OPRL1: variants seen among roughly 807,000 people sequenced by gnomAD.
The protein encoded by OPRL1 is nociceptin receptor.
OPRL1 carries 5 observed loss-of-function variants against 15.5 expected under a neutral mutation model. The ratio of observed to expected loss-of-function variants is 0.32; its 90% CI spans 0.17 to 0.68. The LOEUF (loss-of-function observed/expected upper bound fraction) is 0.68, where lower values mean the gene tolerates loss of function less well. Ranked by LOEUF, OPRL1 falls within the 30% of genes least tolerant of loss-of-function variation. The pLI is 0.72. For missense variants in OPRL1, 406 were observed against 515.3 expected (o/e 0.79, Z 2.05); for synonymous variants, 223 against 230.2 (o/e 0.97, Z 0.28).
chr20:64,085,154 C>G (rs1467801358), intron 1 of OPRL1: 1 of 152,284 alleles, frequency 6.6e-6, no homozygotes, highest in East Asian at 1.9e-4. Flanking sequence ...CTTGGGTGAG[C>G]GTCCTTTCCA....
chr20:64,083,574 T>G lies in OPRL1; in HGVS notation c.-185+3222T>G. 2.0e-6 allele frequency: 3 copies of G among 1,521,676 alleles called. No individual in the cohort carries two copies. The highest frequency in any genetic ancestry group is 1.7e-4 in the Middle Eastern group (1 of 5,814). The allele number at this position is 1,521,676 out of a possible 1,614,324, so 94.3% of individuals were successfully genotyped here. A position where few individuals can be genotyped will look rare whatever the true frequency, so the allele number is the denominator to read the frequency against. Reference sequence around the variant, plus strand: ...CCCTTTCCCCGCCCCTACCGGGGCTTGTCTGCACCTCTTGGCGGTCCAGGG... The same window carrying G: ...CCCTTTCCCCGCCCCTACCGGGGCTGGTCTGCACCTCTTGGCGGTCCAGGG... On this transcript the variant is annotated intron_variant, in intron 1 of 4. Coordinates refer to ENST00000336866, the MANE Select transcript of OPRL1 (RefSeq NM_182647.4). The surrounding 1 kb of genome is among the most constrained non-coding windows in gnomAD (Gnocchi z 4.9).
intron 1 of OPRL1, chr20:64,084,045 G>C: frequency 6.7e-7 from 1 of 1,501,724 alleles, no homozygotes. Flanking sequence ...TGGCGGTGGC[G>C]CTGCGCAGGG....
chr20:64,098,406 G>T lies in OPRL1; in HGVS notation c.720G>T (p.Arg240=). Residue 240 remains arginine, a synonymous_variant, in exon 5 of 5, where the codon CGG becomes CGT. Coordinates refer to ENST00000336866, the MANE Select transcript of OPRL1 (RefSeq NM_182647.4). The part of the protein sequence containing the change: ...VISVCYSLMI[R]RLRGVRLLSG... ...CTGTCTGCTACAGCCTCATGATCCG[G>T]CGGCTCCGTGGAGTCCGCCTGCTCT... 6.2e-7 allele frequency: 1 copy of T among 1,613,622 alleles called. No individual in the cohort carries two copies. The highest frequency in any genetic ancestry group is 8.5e-7 in the Non-Finnish European group (1 of 1,180,012).
At position 64,098,818 on chromosome 20, in the gene OPRL1, A is replaced by G. The variant is rs770725062; in HGVS notation, c.*19A>G. 2.5e-6 allele frequency: 4 copies of G among 1,571,584 alleles called. No individual in the cohort carries two copies. In the South Asian group the frequency reaches 4.6e-5, roughly 18 times the overall value. ...CGCATGACTAGGCGTGGACCTGCCC[A>G]TGGTGCCTGTCAGCCCGCAGAGCCC... On this transcript the variant is annotated 3_prime_UTR_variant, in exon 5 of 5. Transcript: ENST00000336866.
In OPRL1 at chr20:64,098,449, G is replaced by A; in HGVS notation, c.763G>A (p.Asp255Asn). The A allele has an allele frequency of 6.2e-7, 1 of 1,613,468 alleles. No homozygotes were observed. The highest frequency in any genetic ancestry group is 8.5e-7 in the Non-Finnish European group (1 of 1,180,014). The change falls in exon 5 of 5, where the codon GAC (aspartate) becomes AAC (asparagine). Residue 255 changes from aspartate to asparagine, a missense_variant. Asp to Asn is a conservative substitution (Grantham distance 23). Transcript: ENST00000336866. ...VRLLSGSREK[D>N]RNLRRITRLV... The stretch of plus-strand genomic sequence containing the variant: ...CCTGCTCTCGGGCTCCCGAGAGAAG[G>A]ACCGGAACCTGCGGCGCATCACTCG...
rs1267211612 is a variant in OPRL1 at position 64,080,206 on chromosome 20, C to T, written c.-331C>T. On this transcript the variant is annotated 5_prime_UTR_variant, in exon 1 of 5. Transcript: ENST00000336866. ...GCACGGTAGTAGATGGGGGTGTGGC[C>T]GTGGCCCCCGACTCTGCTCGGCGGG... 3 of 152,276 alleles carry T rather than the reference C, an allele frequency of 2.0e-5. No homozygotes were observed. The highest frequency in any genetic ancestry group is 7.2e-5 in the African/African-American group (3 of 41,448). 9.4% of individuals were successfully genotyped at this position (152,276 alleles called of 1,614,324 possible).
chr20:64,088,348 T>A (rs73151215), intron 1 of OPRL1, among the ~76,000 whole-genome samples: 9,937 of 150,814 alleles, frequency 0.066, 466 homozygotes, highest in Non-Finnish European at 0.091. Context: ...TTTTAGGGGG[T>A]AACAGGATCT....
In OPRL1 at chr20:64,098,699, C is replaced by T; in HGVS notation, c.1013C>T (p.Ala338Val). The change falls in exon 5 of 5, where the codon GCC becomes GTC. Residue 338 changes from alanine (A) to valine (V), a missense_variant. Physicochemically the swap from Ala to Val is moderately conservative, Grantham distance 64. Transcript: ENST00000336866. ...TTCCGCAAGTTCTGCTGTGCATCTG[C>T]CCTGCGCCGGGACGTGCAGGTGTCT... is the stretch of plus-strand genomic sequence containing the variant. ...ACFRKFCCAS[A>V]LRRDVQVSDR... is the part of the protein sequence containing the mutation. The T allele has an allele frequency of 6.2e-7, 1 of 1,612,750 alleles. No individual in the cohort carries two copies. The highest frequency in any genetic ancestry group is 1.7e-5 in the Admixed American group (1 of 60,034).
At chr20:64,088,600 TAGGATCTGTGCAGAGTGGCC>T (rs2060078960) in intron 1 of OPRL1, among the ~76,000 whole-genome samples, 2 of 15,912 alleles carry the variant, frequency 1.3e-4, no homozygotes, top group Admixed American at 7.4e-4. Context: ...GTGCAAGGGG[TAGGATCTGTGCAGAGTGGCC>T]AGGATCTGTG....
chr20:64,084,120 C>T (rs1303449339), intron 1 of OPRL1: 2 of 1,471,096 alleles, frequency 1.4e-6, no homozygotes, highest in East Asian at 3.0e-5. Context: ...GTCGCGGGCG[C>T]CCCCTTGGCA....
rs1440469759 is a variant in OPRL1, at chr20:64,083,216, C to A, written c.-185+2864C>A. Among the ~76,000 whole-genome samples, 1 of 152,138 alleles carries A rather than the reference C, an allele frequency of 6.6e-6. No homozygotes were observed. The highest frequency in any genetic ancestry group is 1.9e-4 in the East Asian group (1 of 5,188). ...GGATTAGGGGTAGGCGTGTCCCTGA[C>A]CTGTTACTTTCACACCCACCCACTT... On this transcript the variant is annotated intron_variant, in intron 1 of 4. Coordinates refer to ENST00000336866, the MANE Select transcript of OPRL1 (RefSeq NM_182647.4). This position sits in a 1 kb window ranked among gnomAD's most constrained non-coding sequence, Gnocchi z 4.9.
chr20:64,084,489 A>G (rs2060020716), intron 1 of OPRL1: 3 of 829,834 alleles, frequency 3.6e-6, no homozygotes, highest in Non-Finnish European at 1.6e-6. Context: ...GTTGTAGGAA[A>G]TATCTTTCCT....
chr20:64,080,441 C>A (rs939491940), intron 1 of OPRL1, 89 bp downstream of exon 1: 5 of 151,266 alleles, frequency 3.3e-5, no homozygotes, highest in African/African-American at 1.2e-4. Flanking sequence ...GGGGGGTTCC[C>A]AAGGAAGGGG....
chr20:64,083,857 C>A lies in OPRL1; in HGVS notation c.-185+3505C>A. 1.4e-6 allele frequency: 2 copies of A among 1,413,886 alleles called. No homozygotes were observed. The highest frequency in any genetic ancestry group is 2.9e-5 in the South Asian group (2 of 68,206). 87.6% of individuals were successfully genotyped at this position (1,413,886 alleles called of 1,614,324 possible). A position where few individuals can be genotyped will look rare whatever the true frequency, so the allele number is the denominator to read the frequency against. On this transcript the variant is annotated intron_variant, in intron 1 of 4. Transcript: ENST00000336866. The surrounding 1 kb of genome is among the most constrained non-coding windows in gnomAD (Gnocchi z 4.9). ...AGCGCAGCCGCAGGGCGCGGACTCG[C>A]CCGCGGGCCTCCGCTGCCTTGAGGA... is the stretch of plus-strand genomic sequence containing the variant.
In OPRL1 at chr20:64,097,773, GA is replaced by G. The variant is rs1315065258; in HGVS notation, c.234-27del. ...CCTGGTCCAGCCAGCATGGCCAAGT[GA>G]AGCCTTTCTTCTCCCTCTACTCCGC... On this transcript the variant is annotated intron_variant, in intron 3 of 4. Transcript: ENST00000336866. This position sits in a 1 kb window ranked among gnomAD's most constrained non-coding sequence, Gnocchi z 4.2. 1.3e-6 allele frequency: 2 copies of G among 1,592,888 alleles called. No homozygotes were observed. Among genetic ancestry groups the G allele is most frequent in the Non-Finnish European group, 1.7e-6 (2 of 1,164,874 alleles).
intron 1 of OPRL1, among the ~76,000 whole-genome samples, chr20:64,088,515 C>G (rs2060076430): frequency 6.8e-6 from 1 of 147,604 alleles, no homozygotes; most frequent in Admixed American, 6.7e-5. Context: ...ACGGGGATAG[C>G]ATCTATGTGG....
Position 64,080,259 on chromosome 20 carries a change from G to A in OPRL1, c.-278G>A, listed in dbSNP as rs1010970927. On this transcript the variant is annotated 5_prime_UTR_variant, in exon 1 of 5. Transcript: ENST00000336866. ...CGTTCCTGCTTTGCCATCCGTGTGGGACTTCCACGACAGTGGAGGCACGAG... is the reference window on the plus strand; with the variant it reads ...CGTTCCTGCTTTGCCATCCGTGTGGAACTTCCACGACAGTGGAGGCACGAG... 2 of 152,332 alleles carry A rather than the reference G, an allele frequency of 1.3e-5. No homozygotes were observed. Among genetic ancestry groups the A allele is most frequent in the Non-Finnish European group, 2.9e-5 (2 of 68,118 alleles). 9.4% of individuals were successfully genotyped at this position (152,332 alleles called of 1,614,324 possible).
intron 1 of OPRL1, among the ~76,000 whole-genome samples, chr20:64,081,683 G>C (rs2059969283): frequency 6.6e-6 from 1 of 152,174 alleles, no homozygotes; most frequent in South Asian, 2.1e-4. Context: ...TCAATATATT[G>C]GGCTTTGGAC....
chr20:64,093,311 T>G (rs1169975215), intron 3 of OPRL1, among the ~76,000 whole-genome samples: 8 of 149,864 alleles, frequency 5.3e-5, no homozygotes, highest in African/African-American at 2.0e-4. Context: ...GCCCATTCCC[T>G]AGATGGGCGA....
Sources: allele counts gnomAD v4.1 joint callset (sites outside exome capture counted in the v4.1 genomes callset), GRCh38; gene constraint gnomAD v4.1.1; non-coding constraint Gnocchi (gnomAD v3.1); transcripts MANE v1.5; gene names NCBI Gene and HGNC (gene_info 2026-07-23, HGNC 2026-07-21).